The following KIRREL3 variants were observed in gnomAD, a reference collection of about 807,000 sequenced individuals.
The protein encoded by KIRREL3 is kin of IRRE-like protein 3.
A neutral mutation model predicts 89.7 loss-of-function variants in KIRREL3; 36 were observed. That is an observed-to-expected ratio of 0.40 (90% CI 0.31 to 0.53). The LOEUF is 0.53. Ranked by LOEUF, KIRREL3 falls within the 20% of genes least tolerant of loss-of-function variation. The pLI, the probability that KIRREL3 is intolerant of heterozygous loss-of-function variation, is 0.49. For synonymous variants in KIRREL3, 445 were observed against 441.4 expected (o/e 1.01, Z -0.10); for missense variants, 864 against 1,056.6 (o/e 0.82, Z 2.53).
At chr11:126,446,716 G>C in intron 9 of KIRREL3, 43 bp downstream of exon 9, 1 of 1,569,370 alleles carries the variant, frequency 6.4e-7, no homozygotes, top group East Asian at 2.3e-5. Context: ...CACTGTCCCC[G>C]CCCCCTGCCA....
intron 2 of KIRREL3, among the ~76,000 whole-genome samples, chr11:126,548,346 C>T (rs1938983572): frequency 6.6e-6 from 1 of 152,198 alleles, no homozygotes; most frequent in Non-Finnish European, 1.5e-5. Context: ...CTCTTGAGGG[C>T]TTTCTCTTTA....
rs747580783 is a variant in KIRREL3 at position 126,948,943 on chromosome 11, A to T, written c.55+51512T>A. Among the ~76,000 whole-genome samples, 3 of 152,212 alleles carry T rather than the reference A, an allele frequency of 2.0e-5. No homozygotes were observed. Among genetic ancestry groups the T allele is most frequent in the Non-Finnish European group, 2.9e-5 (2 of 68,036 alleles). ...TGCTGGGCTAGGAGAAGAATGCCTG[A>T]AAGAAAACATGCACTGCTCCAGGAA... On this transcript the variant is annotated intron_variant, in intron 1 of 16. Transcript: ENST00000525144. This position sits in a 1 kb window ranked among gnomAD's most constrained non-coding sequence, Gnocchi z 4.5.
chr11:126,763,451 G>A lies in KIRREL3; in HGVS notation c.56-200539C>T, dbSNP rs971642718. 1.5e-4 allele frequency among the ~76,000 whole-genome samples: 23 copies of A among 152,170 alleles called. No homozygotes were observed. The highest frequency in any genetic ancestry group is 5.6e-4 in the African/African-American group (23 of 41,426). On this transcript the variant is annotated intron_variant, in intron 1 of 16. Coordinates refer to ENST00000525144, the MANE Select transcript of KIRREL3 (RefSeq NM_032531.4). This position sits in a 1 kb window ranked among gnomAD's most constrained non-coding sequence, Gnocchi z 4.7. ...AGGGAGAGGGCATGAGGATGCAGTG[G>A]GTGGGAGGTGTTAAAAAGGGGACTG...
At chr11:126,836,496 C>A (rs541521650) in intron 1 of KIRREL3, among the ~76,000 whole-genome samples, 2 of 152,296 alleles carry the variant, frequency 1.3e-5, no homozygotes, top group African/African-American at 4.8e-5. Flanking sequence ...CTAAACAGTT[C>A]AAAACATCTT....
At chr11:126,767,803 T>C (rs1263689849) in intron 1 of KIRREL3, among the ~76,000 whole-genome samples, 1 of 152,218 alleles carries the variant, frequency 6.6e-6, no homozygotes, top group Non-Finnish European at 1.5e-5. Context: ...ATTGAAACAC[T>C]GCATAGAATT....
rs181920639 is a variant in KIRREL3 at position 126,822,461 on chromosome 11, T to C, written c.55+177994A>G. On this transcript the variant is annotated intron_variant, in intron 1 of 16. Coordinates refer to ENST00000525144, the MANE Select transcript of KIRREL3 (RefSeq NM_032531.4). ...TTCAAGGGGCCCTGCCCTTTTAGGCTTTGCCCAGTTCCTGTTTTAATAGGA... is the reference window on the plus strand; with the variant it reads ...TTCAAGGGGCCCTGCCCTTTTAGGCCTTGCCCAGTTCCTGTTTTAATAGGA... Among the ~76,000 whole-genome samples the C allele has an allele frequency of 1.0e-3, 145 of 143,658 alleles. 2 individuals are homozygous for C. Among genetic ancestry groups the C allele is most frequent in the African/African-American group, 3.3e-3 (127 of 37,914 alleles). 94.2% of individuals were successfully genotyped at this position (143,658 alleles called of 152,430 possible). A position where few individuals can be genotyped will look rare whatever the true frequency, so the allele number is the denominator to read the frequency against.
intron 4 of KIRREL3, among the ~76,000 whole-genome samples, chr11:126,510,431 T>A (rs1958181067): frequency 6.9e-6 from 1 of 145,118 alleles, no homozygotes; most frequent in Non-Finnish European, 1.5e-5. Flanking sequence ...TTTCCTTCCT[T>A]CCTTCCTTCC....
rs888418080 is a variant in KIRREL3 at position 126,587,835 on chromosome 11, A to G, written c.56-24923T>C. Among the ~76,000 whole-genome samples, 1 of 152,226 alleles carries G rather than the reference A, an allele frequency of 6.6e-6. No homozygotes were observed. The highest frequency in any genetic ancestry group is 1.5e-5 in the Non-Finnish European group (1 of 68,044). Reference sequence around the variant, plus strand: ...ATAGTTGAACACAATTCTTATTGCCATCTATCTTTTCACTTCTTTTTAGTT... The same window carrying G: ...ATAGTTGAACACAATTCTTATTGCCGTCTATCTTTTCACTTCTTTTTAGTT... On this transcript the variant is annotated intron_variant, in intron 1 of 16. Transcript: ENST00000525144. The surrounding 1 kb of genome is among the most constrained non-coding windows in gnomAD (Gnocchi z 5.2).
intron 1 of KIRREL3, among the ~76,000 whole-genome samples, chr11:126,901,236 T>C (rs1206319798): frequency 7.0e-6 from 1 of 143,224 alleles, no homozygotes. Flanking sequence ...AAAAAAAGAC[T>C]CTGGGATATT....
intron 1 of KIRREL3, among the ~76,000 whole-genome samples, chr11:126,720,846 G>A (rs916745221): frequency 5.3e-5 from 8 of 152,304 alleles, no homozygotes; most frequent in African/African-American, 7.2e-5. Flanking sequence ...AGAAGATAGC[G>A]AGGGGACCTG....
chr11:126,436,188 T>C (rs1045711031), intron 12 of KIRREL3, among the ~76,000 whole-genome samples: 3 of 152,146 alleles, frequency 2.0e-5, no homozygotes, highest in African/African-American at 7.2e-5. Flanking sequence ...CCCGGCTGCT[T>C]TGCCCAGCGC....
rs1188334564 is a variant in KIRREL3, at chr11:126,570,862, A to G, written c.56-7950T>C. On this transcript the variant is annotated intron_variant, in intron 1 of 16. Coordinates refer to ENST00000525144, the MANE Select transcript of KIRREL3 (RefSeq NM_032531.4). This position sits in a 1 kb window ranked among gnomAD's most constrained non-coding sequence, Gnocchi z 6.1. Reference sequence around the variant, plus strand: ...TCTCCAAATCTCTGCTCACTGGCTTAAGTCTGTACATCTCAGGTGGGAAAA... The same window carrying G: ...TCTCCAAATCTCTGCTCACTGGCTTGAGTCTGTACATCTCAGGTGGGAAAA... Among the ~76,000 whole-genome samples, 1 of 152,188 alleles carries G rather than the reference A, an allele frequency of 6.6e-6. No individual in the cohort carries two copies. Among genetic ancestry groups the G allele is most frequent in the Admixed American group, 6.5e-5 (1 of 15,286 alleles).
intron 1 of KIRREL3, among the ~76,000 whole-genome samples, chr11:126,813,188 G>T (rs1951444852): frequency 6.6e-6 from 1 of 152,186 alleles, no homozygotes; most frequent in Non-Finnish European, 1.5e-5. Flanking sequence ...AAAATAACTT[G>T]ATTCAAGGAC....
intron 1 of KIRREL3, among the ~76,000 whole-genome samples, chr11:126,852,344 C>T (rs545950034): frequency 4.7e-4 from 71 of 152,286 alleles, no homozygotes; most frequent in Non-Finnish European, 8.4e-4. Flanking sequence ...GAGCCACCAG[C>T]GCCCGGCCGA....
intron 1 of KIRREL3, among the ~76,000 whole-genome samples, chr11:126,648,292 G>T (rs990876592): frequency 6.6e-6 from 1 of 152,166 alleles, no homozygotes. Context: ...AGTAATGAGA[G>T]AATGGATGAG....
At position 126,501,646 on chromosome 11, in the gene KIRREL3, T is replaced by C. The variant is rs1444156881; in HGVS notation, c.433+19669A>G. 1.3e-5 allele frequency among the ~76,000 whole-genome samples: 2 copies of C among 152,200 alleles called. No homozygotes were observed. Among genetic ancestry groups the C allele is most frequent in the Non-Finnish European group, 2.9e-5 (2 of 68,040 alleles). On this transcript the variant is annotated intron_variant, in intron 4 of 16. Coordinates refer to ENST00000525144, the MANE Select transcript of KIRREL3 (RefSeq NM_032531.4). This position sits in a 1 kb window ranked among gnomAD's most constrained non-coding sequence, Gnocchi z 5.8. ...AAGGAACACACTGCCCACTCATCTA[T>C]GACAAATCAATTAATTTGTCCAAAT...
At position 126,817,374 on chromosome 11, in the gene KIRREL3, T is replaced by C. The variant is rs568866738; in HGVS notation, c.55+183081A>G. On this transcript the variant is annotated intron_variant, in intron 1 of 16. Coordinates refer to ENST00000525144, the MANE Select transcript of KIRREL3 (RefSeq NM_032531.4). The surrounding 1 kb of genome is among the most constrained non-coding windows in gnomAD (Gnocchi z 5.7). Reference sequence around the variant, plus strand: ...ATGACAGCCAGTCAACAGAAGCTGATGGTGACTTAGCTGGCATGCTGGCCA... The same window carrying C: ...ATGACAGCCAGTCAACAGAAGCTGACGGTGACTTAGCTGGCATGCTGGCCA... Among the ~76,000 whole-genome samples, 1 of 152,302 alleles carries C rather than the reference T, an allele frequency of 6.6e-6. No individual in the cohort carries two copies. Among genetic ancestry groups the C allele is most frequent in the East Asian group, 1.9e-4 (1 of 5,172 alleles).
Position 126,513,008 on chromosome 11 carries a change from C to A in KIRREL3, c.433+8307G>T, listed in dbSNP as rs1291381114. On this transcript the variant is annotated intron_variant, in intron 4 of 16. Coordinates refer to ENST00000525144, the MANE Select transcript of KIRREL3 (RefSeq NM_032531.4). The surrounding 1 kb of genome is among the most constrained non-coding windows in gnomAD (Gnocchi z 5.9). ...TGGGGCAGGAGTGAATGCGTCCCAG[C>A]TCCCCAGTGAGGGCCGTTTGTCCTG... Among the ~76,000 whole-genome samples the A allele has an allele frequency of 1.3e-5, 2 of 152,140 alleles. No individual in the cohort carries two copies. The highest frequency in any genetic ancestry group is 2.1e-4 in the South Asian group (1 of 4,822).
chr11:126,797,349 G>A lies in KIRREL3; in HGVS notation c.55+203106C>T, dbSNP rs74329181. On this transcript the variant is annotated intron_variant, in intron 1 of 16. Coordinates refer to ENST00000525144, the MANE Select transcript of KIRREL3 (RefSeq NM_032531.4). This position sits in a 1 kb window ranked among gnomAD's most constrained non-coding sequence, Gnocchi z 4.9. ...GCATCAAATGCATCTGATTCTCAGC[G>A]TAATATCTGGCACAGAGAAGCACTG... Among the ~76,000 whole-genome samples the A allele has an allele frequency of 1.3e-4, 20 of 152,306 alleles. No homozygotes were observed. Among genetic ancestry groups the A allele is most frequent in the Non-Finnish European group, 2.1e-4 (14 of 68,030 alleles).
Sources: gnomAD v4.1 joint callset for allele counts (sites outside exome capture counted in the v4.1 genomes callset) on GRCh38, gnomAD v4.1.1 for gene constraint, Gnocchi (gnomAD v3.1) non-coding constraint, MANE v1.5 for transcripts, NCBI Gene and HGNC (gene_info 2026-07-23, HGNC 2026-07-21) for gene names.